Variants in ZNF138 observed in about 807,000 individuals in gnomAD.
ZNF138 encodes the protein zinc finger protein 138.
ZNF138 carries 33 observed loss-of-function variants against 33.0 expected under a neutral mutation model. The observed-to-expected ratio is 1.00, with a 90% confidence interval of 0.76 to 1.34. The LOEUF (loss-of-function observed/expected upper bound fraction) is 1.34. Among genes scored for constraint, ZNF138 ranks in the 40% most tolerant of loss-of-function variants. ZNF138 has a pLI of 0.00. For synonymous variants in ZNF138, 139 were observed against 120.4 expected (o/e 1.15, Z -1.01); for missense variants, 360 against 370.8 (o/e 0.97, Z 0.24).
chr7:64,808,519 G>C (rs1235560896), intron 1 of ZNF138, among the ~76,000 whole-genome samples: 2 of 152,086 alleles, frequency 1.3e-5, no homozygotes, highest in African/African-American at 4.8e-5. Flanking sequence ...TTATATTTTT[G>C]TAACTTACGA....
chr7:64,813,436 A>AT (rs1005556520), intron 1 of ZNF138, among the ~76,000 whole-genome samples: 23 of 25,354 alleles, frequency 9.1e-4, no homozygotes, highest in African/African-American at 2.5e-3. Context: ...CATAAAAATG[A>AT]TTTTTTTTTT....
chr7:64,828,187 T>TG (rs886223471), intron 3 of ZNF138, among the ~76,000 whole-genome samples: 12 of 151,644 alleles, frequency 7.9e-5, no homozygotes, highest in African/African-American at 2.9e-4. Context: ...TTCTGGTTTT[T>TG]TTTTAGGTAT....
chr7:64,823,300 G>T (rs988663409), intron 3 of ZNF138, among the ~76,000 whole-genome samples: 1 of 151,974 alleles, frequency 6.6e-6, no homozygotes, highest in East Asian at 1.9e-4. Context: ...TTCAGTTTTG[G>T]TCAGAAAACA....
At chr7:64,797,757 A>G (rs1334039067) in intron 1 of ZNF138, among the ~76,000 whole-genome samples, 1 of 152,172 alleles carries the variant, frequency 6.6e-6, no homozygotes, top group Non-Finnish European at 1.5e-5. Flanking sequence ...ATAAAACAAA[A>G]TTAGGTTTAT....
intron 3 of ZNF138, among the ~76,000 whole-genome samples, chr7:64,817,749 C>T (rs1427765817): frequency 6.6e-6 from 1 of 152,056 alleles, no homozygotes; most frequent in Non-Finnish European, 1.5e-5. Context: ...TATAACTCTT[C>T]ATATACGTTT....
intron 1 of ZNF138, among the ~76,000 whole-genome samples, chr7:64,796,259 T>C (rs1786679126): frequency 6.6e-6 from 1 of 152,214 alleles, no homozygotes; most frequent in South Asian, 2.1e-4. Context: ...CTTGGGGCAG[T>C]CACTGAGGCA....
At chr7:64,806,891 C>T (rs1395317341) in intron 1 of ZNF138, among the ~76,000 whole-genome samples, 1 of 152,194 alleles carries the variant, frequency 6.6e-6, no homozygotes, top group Non-Finnish European at 1.5e-5. Flanking sequence ...TGGCCATAAA[C>T]TGGCCCCAAA....
chr7:64,860,036 C>G, the ZNF138 span, among the ~76,000 whole-genome samples: 1 of 152,178 alleles, frequency 6.6e-6, no homozygotes, highest in Non-Finnish European at 1.5e-5. Flanking sequence ...ACTCAGGAAG[C>G]TGAGACAGGG....
intron 3 of ZNF138, among the ~76,000 whole-genome samples, chr7:64,825,657 A>T (rs1789545721): frequency 6.6e-6 from 1 of 150,434 alleles, no homozygotes; most frequent in Admixed American, 6.7e-5. Context: ...CCCCTGCCTC[A>T]GCCTTCTGAG....
rs1790173115 is a variant in ZNF138 at position 64,832,425 on chromosome 7, G to A, written c.*223G>A. 1 of 1,483,596 alleles carries A rather than the reference G, an allele frequency of 6.7e-7. No individual in the cohort carries two copies. The highest frequency in any genetic ancestry group is 1.4e-5 in the African/African-American group (1 of 70,994). The allele number at this position is 1,483,596 out of a possible 1,614,324, so 91.9% of individuals were successfully genotyped here. On this transcript the variant is annotated 3_prime_UTR_variant, in exon 4 of 4. Coordinates refer to ENST00000307355, the MANE Select transcript of ZNF138 (RefSeq NM_001271639.2). ...TGGAGAAAAACCCTACAAATGTAAAGAATGTGGAAAAGCTTTTCACCGATA... is the reference window on the plus strand; with the variant it reads ...TGGAGAAAAACCCTACAAATGTAAAAAATGTGGAAAAGCTTTTCACCGATA...
intron 3 of ZNF138, among the ~76,000 whole-genome samples, chr7:64,816,392 G>A (rs1365510864): frequency 4.0e-5 from 6 of 151,436 alleles, no homozygotes; most frequent in Non-Finnish European, 7.4e-5. Flanking sequence ...ATGTTACATT[G>A]TAAAAATTTT....
At chr7:64,842,552 G>A in the ZNF138 span, among the ~76,000 whole-genome samples, 16 of 152,186 alleles carry the variant, frequency 1.1e-4, 1 homozygote, top group Middle Eastern at 0.017. Context: ...GTCACCTGTC[G>A]TCAACTTCTT....
the ZNF138 span, among the ~76,000 whole-genome samples, chr7:64,850,118 G>A: frequency 6.6e-6 from 1 of 152,214 alleles, no homozygotes; most frequent in Admixed American, 6.5e-5. Flanking sequence ...AGCCCACCGG[G>A]CTTTTCCCAC....
chr7:64,828,312 A>T (rs1170119940), intron 3 of ZNF138, among the ~76,000 whole-genome samples: 1 of 152,118 alleles, frequency 6.6e-6, no homozygotes, highest in Non-Finnish European at 1.5e-5. Context: ...TTTACCTTGC[A>T]AAGCTACATC....
At chr7:64,823,090 G>A (rs959655309) in intron 3 of ZNF138, among the ~76,000 whole-genome samples, 1 of 151,910 alleles carries the variant, frequency 6.6e-6, no homozygotes, top group African/African-American at 2.4e-5. Flanking sequence ...ATGTTGGTCA[G>A]GCTGGTCTTG....
At chr7:64,838,970 C>T in the ZNF138 span, among the ~76,000 whole-genome samples, 20 of 152,064 alleles carry the variant, frequency 1.3e-4, no homozygotes, top group East Asian at 1.2e-3. Flanking sequence ...AGATGGGGGC[C>T]GTGGACAAGA....
downstream of ZNF138, among the ~76,000 whole-genome samples, chr7:64,837,377 C>T (rs753820825): frequency 1.6e-4 from 24 of 152,028 alleles, no homozygotes; most frequent in South Asian, 4.2e-4. Context: ...CTGGGCTGAG[C>T]GGTCCGGGCT....
chr7:64,809,847 A>C (rs1162486606), intron 1 of ZNF138, among the ~76,000 whole-genome samples: 1 of 114,086 alleles, frequency 8.8e-6, no homozygotes, highest in Non-Finnish European at 1.8e-5. Flanking sequence ...CGCTCCCCAC[A>C]TCTCAGACGA....
At chr7:64,826,440 C>T (rs1006827906) in intron 3 of ZNF138, among the ~76,000 whole-genome samples, 20 of 151,996 alleles carry the variant, frequency 1.3e-4, no homozygotes, top group East Asian at 7.8e-4. Context: ...CCACCATGCC[C>T]GGCTAATTTT....
Sources: allele counts gnomAD v4.1 joint callset (sites outside exome capture counted in the v4.1 genomes callset), GRCh38; gene constraint gnomAD v4.1.1; transcripts MANE v1.5; gene names NCBI Gene and HGNC (gene_info 2026-07-23, HGNC 2026-07-21).